The following CEP83 variants were observed in gnomAD, a reference collection of about 807,000 sequenced individuals.
CEP83 encodes the protein centrosomal protein 83.
In CEP83, 70 loss-of-function variants were observed where a neutral mutation model predicts 101.9. The observed-to-expected ratio is 0.69, with a 90% CI of 0.57 to 0.84. The LOEUF (loss-of-function observed/expected upper bound fraction) is 0.84, where lower values mean the gene tolerates loss of function less well. Among genes scored for constraint, CEP83 ranks in the 40% least tolerant of loss-of-function variants. The pLI, the probability that CEP83 is intolerant of heterozygous loss-of-function variation, is 0.00. For missense variants in CEP83, 715 were observed against 787.2 expected (o/e 0.91, Z 1.10); for synonymous variants, 264 against 267.9 (o/e 0.99, Z 0.14).
intron 1 of CEP83, among the ~76,000 whole-genome samples, chr12:94,455,639 G>C (rs2067611713): frequency 6.6e-6 from 1 of 152,164 alleles, no homozygotes; most frequent in South Asian, 2.1e-4. Flanking sequence ...CCAGGTTTAG[G>C]TTCCTACTAA....
chr12:94,388,453 G>A (rs2062296352), intron 6 of CEP83, among the ~76,000 whole-genome samples: 2 of 152,090 alleles, frequency 1.3e-5, no homozygotes, highest in Non-Finnish European at 2.9e-5. Flanking sequence ...GGATGAGGGG[G>A]AAAGGGCTCA....
At chr12:94,373,923 A>G (rs949307922) in intron 8 of CEP83, among the ~76,000 whole-genome samples, 2 of 152,202 alleles carry the variant, frequency 1.3e-5, no homozygotes, top group African/African-American at 4.8e-5. Context: ...TACCCTTCCA[A>G]TGGAATCTTT....
At chr12:94,427,767 A>C (rs2065315574) in intron 2 of CEP83, among the ~76,000 whole-genome samples, 1 of 152,198 alleles carries the variant, frequency 6.6e-6, no homozygotes, top group African/African-American at 2.4e-5. Context: ...TCTAGGGAGG[A>C]CCTACACCAG....
chr12:94,429,671 C>G lies in CEP83; in HGVS notation c.-102+5604G>C, dbSNP rs1449398575. Among the ~76,000 whole-genome samples the G allele has an allele frequency of 2.9e-4, 44 of 152,082 alleles. 1 individual carries two copies. Among genetic ancestry groups the G allele is most frequent in the Admixed American group, 2.9e-3 (44 of 15,272 alleles). On this transcript the variant is annotated intron_variant, in intron 2 of 16. Transcript: ENST00000397809. ...GGAGCCACCACTCATTTTCATGTGC[C>G]CAGAGTCCCTCACCCACAGCTGCCA...
At chr12:94,266,362 T>G in the CEP83 span, among the ~76,000 whole-genome samples, 2 of 152,164 alleles carry the variant, frequency 1.3e-5, no homozygotes, top group Non-Finnish European at 2.9e-5. Context: ...AGTCAACACT[T>G]CTCAGCGTTC....
intron 2 of CEP83, among the ~76,000 whole-genome samples, chr12:94,432,630 T>G (rs905265165): frequency 3.3e-5 from 5 of 152,148 alleles, no homozygotes; most frequent in African/African-American, 1.2e-4. Flanking sequence ...GGTTGCTTAA[T>G]GAATACAGAT....
At position 94,378,866 on chromosome 12, in the gene CEP83, C is replaced by T; in HGVS notation, c.726G>A (p.Glu242=). 6.2e-7 allele frequency: 1 copy of T among 1,614,114 alleles called. No individual in the cohort carries two copies. The highest frequency in any genetic ancestry group is 2.2e-5 in the East Asian group (1 of 44,876). Reference sequence around the variant, plus strand: ...TTCTTTGGGCATTTTCCACCTGAGCCTCAGAATTCTCCTTTTCAGCCTTTA... The same window carrying T: ...TTCTTTGGGCATTTTCCACCTGAGCTTCAGAATTCTCCTTTTCAGCCTTTA... ...AELKAEKENS[E]AQVENAQRIQ... is the part of the protein sequence containing the mutation. The change falls in exon 7 of 17, where the codon GAG becomes GAA. Residue 242 remains glutamate (E), a synonymous_variant. Transcript: ENST00000397809.
the CEP83 span, chr12:94,294,395 T>C: frequency 3.1e-5 from 20 of 638,028 alleles, no homozygotes; most frequent in African/African-American, 3.5e-4. Context: ...AGTGACAGCA[T>C]GTAAGATCCA....
Position 94,341,549 on chromosome 12 carries a change from TA to T in CEP83, c.1344-5886del, listed in dbSNP as rs71849042. On this transcript the variant is annotated intron_variant, in intron 11 of 16. Transcript: ENST00000397809. ...AAAAAATACCACAATTGTTGAACAT[TA>T]AAAAAAAAAAGCCATGCAAATCGTG... 5.2e-3 allele frequency among the ~76,000 whole-genome samples: 766 copies of T among 146,500 alleles called. 17 individuals are homozygous for T. Among genetic ancestry groups the T allele is most frequent in the Admixed American group, 0.038 (565 of 14,724 alleles).
intron 1 of CEP83, among the ~76,000 whole-genome samples, chr12:94,452,935 A>C (rs183987651): frequency 5.9e-5 from 9 of 152,336 alleles, no homozygotes; most frequent in African/African-American, 2.2e-4. Flanking sequence ...CAGGCTCCAA[A>C]GTACATACTC....
chr12:94,341,770 A>C (rs1327846132), intron 11 of CEP83, among the ~76,000 whole-genome samples: 1 of 152,184 alleles, frequency 6.6e-6, no homozygotes. Flanking sequence ...AAAAAACTAA[A>C]AAACAAAACA....
At chr12:94,406,333 AAAC>A (rs1210708225) in intron 4 of CEP83, among the ~76,000 whole-genome samples, 3 of 151,198 alleles carry the variant, frequency 2.0e-5, no homozygotes, top group Non-Finnish European at 4.4e-5. Context: ...CTCAAAAACA[AAAC>A]AAAACAAAAC....
At chr12:94,411,458 T>C (rs1045415173) in intron 4 of CEP83, among the ~76,000 whole-genome samples, 22 of 152,160 alleles carry the variant, frequency 1.4e-4, no homozygotes, top group African/African-American at 5.3e-4. Flanking sequence ...TTAAATATTA[T>C]TTATATCAGA....
intron 6 of CEP83, among the ~76,000 whole-genome samples, chr12:94,398,865 T>C (rs1282085160): frequency 2.0e-5 from 3 of 152,084 alleles, no homozygotes. Flanking sequence ...GTGTCTGTCT[T>C]ATGCGGTTGA....
At chr12:94,363,518 C>T (rs866679086) in intron 11 of CEP83, among the ~76,000 whole-genome samples, 2 of 151,950 alleles carry the variant, frequency 1.3e-5, no homozygotes, top group South Asian at 2.1e-4. Context: ...AAACCAAGGT[C>T]GTAAGGAGAT....
intron 1 of CEP83, among the ~76,000 whole-genome samples, chr12:94,443,586 G>A (rs527492998): frequency 2.3e-4 from 35 of 152,112 alleles, no homozygotes; most frequent in Non-Finnish European, 4.4e-4. Context: ...TCCGTCCCGC[G>A]GGTTCAAGTG....
At chr12:94,454,604 C>T (rs2067509742) in intron 1 of CEP83, among the ~76,000 whole-genome samples, 1 of 152,224 alleles carries the variant, frequency 6.6e-6, no homozygotes, top group Non-Finnish European at 1.5e-5. Context: ...GAGCCAGCAG[C>T]AGCAACCCAC....
At chr12:94,346,211 AACTAATTTTTTTTGTATTTTTAGT>A (rs1467280591) in intron 11 of CEP83, among the ~76,000 whole-genome samples, 1 of 151,908 alleles carries the variant, frequency 6.6e-6, no homozygotes, top group Non-Finnish European at 1.5e-5. Context: ...CACCACGCCC[AACTAATTTTTTTTGTATTTTTAGT>A]AGAGACGGGG....
the CEP83 span, among the ~76,000 whole-genome samples, chr12:94,273,945 T>C: frequency 1.3e-5 from 2 of 151,868 alleles, no homozygotes; most frequent in African/African-American, 4.8e-5. Flanking sequence ...TGCGTCACCA[T>C]CTCCCAGTAC....
Sources: gnomAD v4.1 joint callset for allele counts (sites outside exome capture counted in the v4.1 genomes callset) on GRCh38, gnomAD v4.1.1 for gene constraint, MANE v1.5 for transcripts, NCBI Gene and HGNC (gene_info 2026-07-23, HGNC 2026-07-21) for gene names.